Variants in PHF20 observed in about 807,000 individuals in gnomAD.
PHF20 encodes the protein glioma-expressed antigen 2.
In PHF20, 23 loss-of-function variants were observed where a neutral mutation model predicts 113.5. The ratio of observed to expected loss-of-function variants is 0.20; its 90% CI spans 0.15 to 0.29. The LOEUF is 0.29. Ranked by LOEUF, PHF20 falls within the 10% of genes least tolerant of loss-of-function variation. The pLI, the probability that PHF20 is intolerant of heterozygous loss-of-function variation, is 1.00. For synonymous variants in PHF20, 434 were observed against 457.3 expected, an observed-to-expected ratio of 0.95 and a Z score of 0.65; for missense variants, 943 against 1,219.6, an observed-to-expected ratio of 0.77 and a Z score of 3.38.
chr20:35,903,089 T>TC (rs1236590261), intron 10 of PHF20, among the ~76,000 whole-genome samples: 1 of 148,276 alleles, frequency 6.7e-6, no homozygotes, highest in Non-Finnish European at 1.5e-5. Context: ...TTTTTTTTTT[T>TC]TTTTTTGAGT....
intron 13 of PHF20, among the ~76,000 whole-genome samples, chr20:35,919,329 T>C (rs2055466469): frequency 6.6e-6 from 1 of 151,184 alleles, no homozygotes. Context: ...ATATTTTTGT[T>C]ATGGTAATTT....
chr20:35,797,381 G>A (rs1228069502), intron 1 of PHF20, among the ~76,000 whole-genome samples: 2 of 151,468 alleles, frequency 1.3e-5, no homozygotes, highest in Non-Finnish European at 2.9e-5. Context: ...GGCAGTAGTG[G>A]CATATGCCTG....
chr20:35,811,650 G>A (rs2041979737), intron 2 of PHF20, among the ~76,000 whole-genome samples: 1 of 152,000 alleles, frequency 6.6e-6, no homozygotes, highest in African/African-American at 2.4e-5. Flanking sequence ...CACCATGTTA[G>A]GCTGGTTGAG....
chr20:35,875,214 A>G (rs1047881658), intron 9 of PHF20, among the ~76,000 whole-genome samples: 1 of 152,020 alleles, frequency 6.6e-6, no homozygotes, highest in Non-Finnish European at 1.5e-5. Flanking sequence ...CCTGGCCAAC[A>G]TGGTGAAACC....
intron 12 of PHF20, among the ~76,000 whole-genome samples, chr20:35,915,627 C>T (rs906142124): frequency 6.6e-6 from 1 of 152,014 alleles, no homozygotes; most frequent in African/African-American, 2.4e-5. Context: ...CCTTGTGATC[C>T]ACCCACTTCG....
At chr20:35,890,809 G>A (rs2054834723) in intron 9 of PHF20, among the ~76,000 whole-genome samples, 1 of 152,166 alleles carries the variant, frequency 6.6e-6, no homozygotes. Context: ...CTTGAACCCG[G>A]AGGTGGAGGT....
chr20:35,935,342 G>A (rs2055843926), intron 15 of PHF20, among the ~76,000 whole-genome samples: 1 of 152,080 alleles, frequency 6.6e-6, no homozygotes, highest in Non-Finnish European at 1.5e-5. Context: ...CCTGGCCCTG[G>A]CCCATATTCT....
intron 8 of PHF20, 125 bp from the exon 9 acceptor site, chr20:35,871,525 G>A: frequency 1.4e-6 from 1 of 729,650 alleles, no homozygotes; most frequent in Non-Finnish European, 2.1e-6. Context: ...GTGAATGTAT[G>A]CTTTTATGTT....
intron 13 of PHF20, among the ~76,000 whole-genome samples, chr20:35,918,893 A>G (rs974565183): frequency 7.9e-5 from 12 of 152,212 alleles, no homozygotes; most frequent in African/African-American, 2.2e-4. Context: ...CCATTGTCCA[A>G]TAAGAATCTG....
intron 9 of PHF20, chr20:35,878,851 C>CGGCATTTT: frequency 2.1e-6 from 1 of 467,006 alleles, no homozygotes; most frequent in South Asian, 4.3e-5. Flanking sequence ...GATGGTAACA[C>CGGCATTTT]GGCATTTTGA....
At chr20:35,802,242 T>C (rs1025905129) in intron 2 of PHF20, among the ~76,000 whole-genome samples, 1 of 152,160 alleles carries the variant, frequency 6.6e-6, no homozygotes, top group Admixed American at 6.6e-5. Context: ...AAAGACCTTA[T>C]AGACTGTGAA....
chr20:35,928,110 C>G (rs1345863420), intron 14 of PHF20, among the ~76,000 whole-genome samples: 1 of 152,154 alleles, frequency 6.6e-6, no homozygotes, highest in Non-Finnish European at 1.5e-5. Context: ...TGGCCTTGAG[C>G]TAGAACTTTT....
At chr20:35,923,237 A>G (rs2055553873) in intron 13 of PHF20, among the ~76,000 whole-genome samples, 1 of 152,228 alleles carries the variant, frequency 6.6e-6, no homozygotes. Context: ...CCTTTGCCCT[A>G]CAACAACAAG....
chr20:35,837,433 A>T (rs2042462560), intron 2 of PHF20, among the ~76,000 whole-genome samples: 1 of 152,112 alleles, frequency 6.6e-6, no homozygotes, highest in South Asian at 2.1e-4. Context: ...TGGAAACTAG[A>T]GTCTCATCAG....
At chr20:35,915,922 C>A (rs947697443) in intron 12 of PHF20, among the ~76,000 whole-genome samples, 1 of 151,898 alleles carries the variant, frequency 6.6e-6, no homozygotes, top group Non-Finnish European at 1.5e-5. Context: ...ATTGCTTGAC[C>A]CCAGAAGTTC....
At chr20:35,785,019 C>G (rs11700256) in intron 1 of PHF20, among the ~76,000 whole-genome samples, 15,786 of 151,566 alleles carry the variant, frequency 0.1, 858 homozygotes, top group South Asian at 0.16. Context: ...CCGCTTCACT[C>G]CAACCTGGGC....
chr20:35,798,614 C>T (rs2041715759), intron 1 of PHF20, among the ~76,000 whole-genome samples: 1 of 151,916 alleles, frequency 6.6e-6, no homozygotes, highest in African/African-American at 2.4e-5. Flanking sequence ...GCCACCATGC[C>T]TGGCTAATTT....
chr20:35,938,689 C>T lies in PHF20; in HGVS notation c.2301-8C>T. ...CCAAAGCCCATGTCCTCTTTGTCCT[C>T]TCAACAGAAGCCGGGAGCATCCTGA... is the stretch of plus-strand genomic sequence containing the variant. On this transcript the variant is annotated splice_polypyrimidine_tract_variant and splice_region_variant and intron_variant, in intron 15 of 17. Coordinates refer to ENST00000374012, the MANE Select transcript of PHF20 (RefSeq NM_016436.5). The T allele has an allele frequency of 6.3e-7, 1 of 1,594,614 alleles. No individual in the cohort carries two copies. Among genetic ancestry groups the T allele is most frequent in the Non-Finnish European group, 8.5e-7 (1 of 1,171,386 alleles).
At chr20:35,890,912 C>G (rs2054836975) in intron 9 of PHF20, among the ~76,000 whole-genome samples, 1 of 151,960 alleles carries the variant, frequency 6.6e-6, no homozygotes, top group Non-Finnish European at 1.5e-5. Context: ...TAAAACAAAA[C>G]AAAACTAAAC....
Sources: allele counts gnomAD v4.1 joint callset (sites outside exome capture counted in the v4.1 genomes callset), GRCh38; gene constraint gnomAD v4.1.1; transcripts MANE v1.5; gene names NCBI Gene and HGNC (gene_info 2026-07-23, HGNC 2026-07-21).